The following PCDHGA4 variants were observed in gnomAD, a reference collection of about 807,000 sequenced individuals.
The protein encoded by PCDHGA4 is protocadherin gamma-A4.
Under a neutral mutation model 54.6 loss-of-function variants are expected in PCDHGA4, and 38 were observed. The observed-to-expected ratio is 0.70, with a 90% CI of 0.54 to 0.91. The LOEUF (loss-of-function observed/expected upper bound fraction) is 0.91, where lower values mean the gene tolerates loss of function less well. Ranked by LOEUF, PCDHGA4 falls within the 40% of genes least tolerant of loss-of-function variation. PCDHGA4 has a pLI of 0.00. For synonymous variants in PCDHGA4, 511 were observed against 512.9 expected (o/e 1.00, Z 0.05); for missense variants, 1,298 against 1,220.9 (o/e 1.06, Z -0.94).
intron 1 of PCDHGA4, among the ~76,000 whole-genome samples, chr5:141,397,091 A>G (rs1162135708): frequency 1.3e-5 from 2 of 152,264 alleles, no homozygotes; most frequent in Non-Finnish European, 2.9e-5. Flanking sequence ...CATTTCAGAT[A>G]GGATAATAAT....
chr5:141,413,122 G>A, intron 1 of PCDHGA4: 1 of 1,525,890 alleles, frequency 6.6e-7, no homozygotes. Flanking sequence ...GGAACCGGTT[G>A]AAACACACAA....
chr5:141,503,045 G>A (rs543484478), intron 2 of PCDHGA4, among the ~76,000 whole-genome samples: 1 of 151,702 alleles, frequency 6.6e-6, no homozygotes, highest in South Asian at 2.1e-4. Context: ...AGTTGAGACA[G>A]GGTTTCACCA....
At chr5:141,425,392 A>G (rs2096872216) in intron 1 of PCDHGA4, among the ~76,000 whole-genome samples, 1 of 152,232 alleles carries the variant, frequency 6.6e-6, no homozygotes, top group African/African-American at 2.4e-5. Flanking sequence ...GGTAGTGATA[A>G]AGTTCTGTTA....
intron 1 of PCDHGA4, among the ~76,000 whole-genome samples, chr5:141,454,172 CAGCTAAAGG>C (rs1351117555): frequency 6.6e-6 from 1 of 152,126 alleles, no homozygotes; most frequent in Admixed American, 6.5e-5. Context: ...TCTAGAAGGG[CAGCTAAAGG>C]AGCTTAGTGA....
intron 1 of PCDHGA4, chr5:141,374,981 G>A (rs761282613): frequency 6.2e-7 from 1 of 1,614,036 alleles, no homozygotes; most frequent in Non-Finnish European, 8.5e-7. Context: ...TTTGACTGGA[G>A]AAATTTCAAC....
chr5:141,511,115 A>G lies in PCDHGA4; in HGVS notation c.2831A>G (p.Lys944Arg). 6.2e-7 allele frequency: 1 copy of G among 1,614,214 alleles called. No individual in the cohort carries two copies. Among genetic ancestry groups the G allele is most frequent in the Non-Finnish European group, 8.5e-7 (1 of 1,180,006 alleles). ...AACGCAGCTGGCAAGCGGGATGGCA[A>G]GGCCCCAGCAGGTGGCAATGGCAAC... Reference protein sequence around the residue: ...LTNAAGKRDGKAPAGGNGNKK... With the variant: ...LTNAAGKRDGRAPAGGNGNKK... Residue 944 changes from lysine (K) to arginine (R), a missense_variant, in exon 4 of 4, where the codon AAG becomes AGG. Coordinates refer to ENST00000571252, the MANE Select transcript of PCDHGA4 (RefSeq NM_018917.4).
intron 1 of PCDHGA4, chr5:141,389,542 G>A (rs765744557): frequency 5.0e-6 from 8 of 1,613,080 alleles, no homozygotes; most frequent in African/African-American, 2.7e-5. Flanking sequence ...GTGGACGACC[G>A]CAACGACAAT....
chr5:141,370,488 C>G (rs758506114), intron 1 of PCDHGA4: 2 of 1,613,906 alleles, frequency 1.2e-6, no homozygotes, highest in South Asian at 2.2e-5. Context: ...TCTCTCCGAA[C>G]CGATCCGCTA....
Position 141,485,063 on chromosome 5 carries a change from A to C in PCDHGA4, c.2515-9744A>C. On this transcript the variant is annotated intron_variant, in intron 1 of 3. Transcript: ENST00000571252. This position sits in a 1 kb window ranked among gnomAD's most constrained non-coding sequence, Gnocchi z 5.7. ...CTTGCGGCGCCGGCCGAACCGCGCC[A>C]GAGCTGGCGCGGGGAAAGGGAGATA... is the stretch of plus-strand genomic sequence containing the variant. 2 of 874,986 alleles carry C rather than the reference A, an allele frequency of 2.3e-6. No individual in the cohort carries two copies. Among genetic ancestry groups the C allele is most frequent in the Non-Finnish European group, 3.6e-6 (2 of 551,278 alleles). 54.2% of individuals were successfully genotyped at this position (874,986 alleles called of 1,614,324 possible).
chr5:141,414,624 G>C, intron 1 of PCDHGA4: 1 of 1,613,932 alleles, frequency 6.2e-7, no homozygotes, highest in Non-Finnish European at 8.5e-7. Context: ...CGCTGGACCC[G>C]GACAGCAAAG....
chr5:141,422,070 A>G (rs1202364320), intron 1 of PCDHGA4: 3 of 1,612,480 alleles, frequency 1.9e-6, no homozygotes, highest in Non-Finnish European at 2.5e-6. Context: ...TAATGTATTC[A>G]TTTCGGAACA....
rs764586891 is a variant in PCDHGA4, at chr5:141,477,616, A to G, written c.2515-17191A>G. On this transcript the variant is annotated intron_variant, in intron 1 of 3. Coordinates refer to ENST00000571252, the MANE Select transcript of PCDHGA4 (RefSeq NM_018917.4). This position sits in a 1 kb window ranked among gnomAD's most constrained non-coding sequence, Gnocchi z 4.9. ...TTTCTTTCTTTCTCTTGGAGCAAGGAGCTGAAACCGGGCTAGTGGGTCGCT... is the reference window on the plus strand; with the variant it reads ...TTTCTTTCTTTCTCTTGGAGCAAGGGGCTGAAACCGGGCTAGTGGGTCGCT... The G allele has an allele frequency of 1.2e-6, 2 of 1,614,068 alleles. No individual in the cohort carries two copies. Among genetic ancestry groups the G allele is most frequent in the African/African-American group, 2.7e-5 (2 of 74,924 alleles).
intron 1 of PCDHGA4, chr5:141,419,553 C>T (rs2096398346): frequency 1.2e-5 from 20 of 1,611,902 alleles, no homozygotes; most frequent in Non-Finnish European, 1.4e-5. Flanking sequence ...GTGCTGTACC[C>T]TGCGCTGGGT....
intron 1 of PCDHGA4, among the ~76,000 whole-genome samples, chr5:141,436,517 G>A (rs1398225419): frequency 1.3e-5 from 2 of 152,130 alleles, no homozygotes; most frequent in African/African-American, 4.8e-5. Flanking sequence ...TGTTAACTGT[G>A]TCACCTTTAG....
In PCDHGA4 at chr5:141,357,247, G is replaced by C. The variant is rs11575951; in HGVS notation, c.2140G>C (p.Asp714His). The change falls in exon 1 of 4, where the codon GAC (aspartate) becomes CAC (histidine). Residue 714 changes from aspartate to histidine, a missense_variant. Physicochemically the swap from Asp to His is moderately conservative, Grantham distance 81. Transcript: ENST00000571252. ...ADLGSLKPSADPDDSGLTLYL... is the reference protein window; with the variant it reads ...ADLGSLKPSAHPDDSGLTLYL... The stretch of plus-strand genomic sequence containing the variant: ...CTTGGGCAGCCTCAAGCCTTCAGCA[G>C]ACCCAGACGACTCGGGCCTCACACT... 36,857 of 1,613,696 alleles carry C rather than the reference G, an allele frequency of 0.023. 965 individuals carry two copies. Among genetic ancestry groups the C allele is most frequent in the African/African-American group, 0.14 (10,197 of 74,982 alleles).
chr5:141,376,532 G>A lies in PCDHGA4; in HGVS notation c.2514+18911G>A, dbSNP rs763806361. On this transcript the variant is annotated intron_variant, in intron 1 of 3. Transcript: ENST00000571252. ...GGTGAGTTTCTTTCCGCCTAAGCGGGAAGAGTAATCTGATCTTCCCGCAAC... is the reference window on the plus strand; with the variant it reads ...GGTGAGTTTCTTTCCGCCTAAGCGGAAAGAGTAATCTGATCTTCCCGCAAC... 3.7e-6 allele frequency: 6 copies of A among 1,613,740 alleles called. No individual in the cohort carries two copies. The Admixed American group carries it at 1.0e-4, about 27-fold the overall frequency.
At chr5:141,443,683 A>C (rs1358937790) in intron 1 of PCDHGA4, among the ~76,000 whole-genome samples, 1 of 152,248 alleles carries the variant, frequency 6.6e-6, no homozygotes, top group Admixed American at 6.5e-5. Flanking sequence ...GTTTACAAAC[A>C]CTTCAAAAAT....
intron 1 of PCDHGA4, among the ~76,000 whole-genome samples, chr5:141,425,459 C>A (rs2096876834): frequency 6.6e-6 from 1 of 152,200 alleles, no homozygotes; most frequent in African/African-American, 2.4e-5. Flanking sequence ...CATCACATTT[C>A]ATGTTATTAA....
chr5:141,416,031 C>G (rs1301059596), intron 1 of PCDHGA4: 1 of 207,362 alleles, frequency 4.8e-6, no homozygotes, highest in Non-Finnish European at 9.4e-6. Context: ...AGAAAGAAAT[C>G]ACCTCTGGAA....
Sources: gnomAD v4.1 joint callset for allele counts (sites outside exome capture counted in the v4.1 genomes callset) on GRCh38, gnomAD v4.1.1 for gene constraint, Gnocchi (gnomAD v3.1) non-coding constraint, MANE v1.5 for transcripts, NCBI Gene and HGNC (gene_info 2026-07-23, HGNC 2026-07-21) for gene names.